CEP170: variants seen among roughly 807,000 people sequenced by gnomAD.
CEP170 encodes the protein centrosomal protein 170, also known as centrosomal protein of 170 kDa.
Under a neutral mutation model 151.9 loss-of-function variants are expected in CEP170, and 21 were observed. That is an observed-to-expected ratio of 0.14 (90% CI 0.10 to 0.20). The LOEUF is 0.20. Ranked by LOEUF, CEP170 falls within the 10% of genes least tolerant of loss-of-function variation. CEP170 has a pLI of 1.00. For synonymous variants in CEP170, 356 were observed against 648.8 expected (o/e 0.55, Z 6.86); for missense variants, 964 against 1,892.9 (o/e 0.51, Z 9.11).
intron 1 of CEP170, among the ~76,000 whole-genome samples, chr1:243,229,312 T>C (rs149075905): frequency 8.4e-4 from 128 of 152,284 alleles, no homozygotes; most frequent in African/African-American, 3.0e-3. Context: ...CAAATAGACA[T>C]GGGTTTTTGA....
chr1:243,132,358 G>A (rs1026314223), intron 17 of CEP170, among the ~76,000 whole-genome samples: 2 of 152,130 alleles, frequency 1.3e-5, no homozygotes, highest in African/African-American at 4.8e-5. Flanking sequence ...CTCTAACTGA[G>A]CACTAATCTA....
intron 10 of CEP170, among the ~76,000 whole-genome samples, chr1:243,176,971 T>A (rs543703693): frequency 2.0e-5 from 3 of 152,254 alleles, no homozygotes; most frequent in African/African-American, 7.2e-5. Flanking sequence ...AAAGTTTGAC[T>A]GATTTTTTTC....
At chr1:243,231,628 G>A (rs1358579412) in intron 1 of CEP170, among the ~76,000 whole-genome samples, 2 of 151,954 alleles carry the variant, frequency 1.3e-5, no homozygotes, top group Non-Finnish European at 2.9e-5. Flanking sequence ...TTCAAACTAG[G>A]TTTATAAGTT....
chr1:243,164,218 A>T (rs1815604), intron 13 of CEP170, 66 bp downstream of exon 13: 408,805 of 1,036,470 alleles, frequency 0.39, 52,407 homozygotes, highest in South Asian at 0.49. Context: ...TTTTTTTTTT[A>T]AAAAAAAAAA....
At chr1:243,158,508 A>G (rs2057765630) in intron 13 of CEP170, among the ~76,000 whole-genome samples, 2 of 152,170 alleles carry the variant, frequency 1.3e-5, no homozygotes, top group Non-Finnish European at 2.9e-5. Flanking sequence ...TGGCTGATAC[A>G]TTTCGTGGCA....
chr1:243,227,706 A>C (rs941182309), intron 1 of CEP170, among the ~76,000 whole-genome samples: 1 of 152,208 alleles, frequency 6.6e-6, no homozygotes, highest in Non-Finnish European at 1.5e-5. Flanking sequence ...AGAGCCAAAA[A>C]CTTCCATTGT....
At chr1:243,148,798 G>C (rs1359475807) in intron 14 of CEP170, among the ~76,000 whole-genome samples, 1 of 152,088 alleles carries the variant, frequency 6.6e-6, no homozygotes, top group South Asian at 2.1e-4. Flanking sequence ...TCTTCCATCA[G>C]TGGAAACTGT....
At chr1:243,207,081 A>G (rs372892896) in intron 4 of CEP170, among the ~76,000 whole-genome samples, 1 of 152,368 alleles carries the variant, frequency 6.6e-6, no homozygotes. Flanking sequence ...TAACCACATC[A>G]ATTATCACAA....
chr1:243,126,862 A>G (rs1373534674), intron 19 of CEP170, 124 bp from the exon 20 acceptor site: 1 of 672,778 alleles, frequency 1.5e-6, no homozygotes, highest in East Asian at 2.7e-5. Flanking sequence ...TAATCTTCCA[A>G]TATTATATTT....
chr1:243,187,870 A>C (rs1269561381), intron 8 of CEP170, among the ~76,000 whole-genome samples: 1 of 152,228 alleles, frequency 6.6e-6, no homozygotes, highest in Non-Finnish European at 1.5e-5. Flanking sequence ...GGCAAGGGAA[A>C]CAAAGGGAGT....
chr1:243,174,411 T>C (rs2148636327), intron 10 of CEP170, among the ~76,000 whole-genome samples: 1 of 151,582 alleles, frequency 6.6e-6, no homozygotes, highest in East Asian at 1.9e-4. Context: ...GAGCCTTCAT[T>C]TTCTATAAGG....
chr1:243,159,763 T>TTGTGTGTGTGTGTGTGTG (rs565534328), intron 13 of CEP170, among the ~76,000 whole-genome samples: 5,117 of 126,942 alleles, frequency 0.04, 180 homozygotes, highest in Non-Finnish European at 0.043. Context: ...GTTTCCGGTT[T>TTGTGTGTGTGTGTGTGTG]TGTGTGTGTG....
At chr1:243,205,555 T>C (rs2061358960) in intron 4 of CEP170, among the ~76,000 whole-genome samples, 1 of 152,174 alleles carries the variant, frequency 6.6e-6, no homozygotes, top group African/African-American at 2.4e-5. Flanking sequence ...CAGTAGAACA[T>C]ACAGAAAGGT....
At chr1:243,222,077 G>A (rs895424214) in intron 2 of CEP170, among the ~76,000 whole-genome samples, 13 of 152,072 alleles carry the variant, frequency 8.5e-5, no homozygotes, top group Admixed American at 2.0e-4. Context: ...AGCTGACTTC[G>A]CTGAATGTAT....
chr1:243,189,511 G>C (rs530489432), intron 8 of CEP170, among the ~76,000 whole-genome samples: 5 of 147,498 alleles, frequency 3.4e-5, no homozygotes, highest in African/African-American at 7.6e-5. Context: ...AGCCGAGATC[G>C]CGCCACTGCA....
At chr1:243,134,325 T>C (rs1382618100) in intron 17 of CEP170, among the ~76,000 whole-genome samples, 8 of 152,164 alleles carry the variant, frequency 5.3e-5, no homozygotes, top group Admixed American at 6.5e-5. Context: ...ATTAAAATAT[T>C]ATTCTGTAGA....
At chr1:243,241,878 A>G (rs1377506753) in intron 1 of CEP170, among the ~76,000 whole-genome samples, 1 of 151,826 alleles carries the variant, frequency 6.6e-6, no homozygotes, top group Non-Finnish European at 1.5e-5. Context: ...ACAGGAGGGT[A>G]GGGGGAGTGG....
At chr1:243,190,624 T>C (rs1456761168) in intron 8 of CEP170, among the ~76,000 whole-genome samples, 1 of 152,180 alleles carries the variant, frequency 6.6e-6, no homozygotes, top group Non-Finnish European at 1.5e-5. Context: ...GACTTAAAAT[T>C]TCTTTCAGAA....
intron 1 of CEP170, among the ~76,000 whole-genome samples, chr1:243,225,967 A>ATATC (rs149086692): frequency 0.093 from 13,798 of 148,856 alleles, 850 homozygotes; most frequent in Non-Finnish European, 0.13. Flanking sequence ...TGGGCAATAC[A>ATATC]TATCTATCTA....
Sources: allele counts gnomAD v4.1 joint callset (sites outside exome capture counted in the v4.1 genomes callset), GRCh38; gene constraint gnomAD v4.1.1; transcripts MANE v1.5; gene names NCBI Gene and HGNC (gene_info 2026-07-23, HGNC 2026-07-21).